The following ARHGAP42 variants were observed in gnomAD, a reference collection of about 807,000 sequenced individuals.
ARHGAP42 encodes Rho GTPase activating protein 42.
ARHGAP42 carries 63 observed loss-of-function variants against 125.0 expected under a neutral mutation model. The ratio of observed to expected loss-of-function variants is 0.50; its 90% confidence interval spans 0.41 to 0.62. The LOEUF is 0.62. Ranked by LOEUF, ARHGAP42 falls within the 20% of genes least tolerant of loss-of-function variation. The pLI, the probability that ARHGAP42 is intolerant of heterozygous loss-of-function variation, is 0.00. For synonymous variants in ARHGAP42, 339 were observed against 351.0 expected, an observed-to-expected ratio of 0.97 and a Z score of 0.38; for missense variants, 766 against 1,024.2, an observed-to-expected ratio of 0.75 and a Z score of 3.44.
At chr11:100,895,309 A>G (rs765133754) in intron 4 of ARHGAP42, among the ~76,000 whole-genome samples, 9 of 152,064 alleles carry the variant, frequency 5.9e-5, no homozygotes, top group South Asian at 2.1e-4. Context: ...AGATTTCCCA[A>G]CCTCAGCACT....
chr11:100,899,814 A>T (rs1290428133), intron 4 of ARHGAP42, among the ~76,000 whole-genome samples: 1 of 143,552 alleles, frequency 7.0e-6, no homozygotes, highest in Non-Finnish European at 1.5e-5. Context: ...TACATGTGGG[A>T]TGGGTCTCCT....
chr11:100,796,391 G>A (rs1432081377), intron 3 of ARHGAP42, among the ~76,000 whole-genome samples: 1 of 152,140 alleles, frequency 6.6e-6, no homozygotes, highest in Non-Finnish European at 1.5e-5. Context: ...CCTGAAACAT[G>A]AATATATTGA....
chr11:100,861,755 T>A (rs763691571), intron 4 of ARHGAP42, among the ~76,000 whole-genome samples: 2 of 152,180 alleles, frequency 1.3e-5, no homozygotes, highest in Non-Finnish European at 2.9e-5. Context: ...TTTTTAGTCA[T>A]GATGAGTGAA....
chr11:100,924,523 T>C (rs934644025), intron 6 of ARHGAP42, among the ~76,000 whole-genome samples: 5 of 151,738 alleles, frequency 3.3e-5, no homozygotes, highest in African/African-American at 1.2e-4. Context: ...AAAAATTAGC[T>C]GGGCATGGGG....
intron 16 of ARHGAP42, 122 bp downstream of exon 16, chr11:100,962,589 A>C (rs1393044516): frequency 2.2e-6 from 2 of 924,426 alleles, no homozygotes; most frequent in Non-Finnish European, 3.2e-6. Context: ...AAAAGTTGTT[A>C]ATCTGGGCCG....
chr11:100,936,365 A>G, intron 8 of ARHGAP42, 33 bp downstream of exon 8: 10 of 1,550,958 alleles, frequency 6.4e-6, no homozygotes, highest in Non-Finnish European at 7.9e-6. Flanking sequence ...CACGTCTCTT[A>G]TGACTTAGCC....
At chr11:100,900,341 T>G (rs1489074277) in intron 4 of ARHGAP42, among the ~76,000 whole-genome samples, 1 of 152,206 alleles carries the variant, frequency 6.6e-6, no homozygotes, top group Non-Finnish European at 1.5e-5. Context: ...TGCTTAACAT[T>G]TTTTCCTTCA....
chr11:100,992,722 C>T lies in ARHGAP42; in HGVS notation c.*3921C>T. On this transcript the variant is annotated 3_prime_UTR_variant, in exon 24 of 24. Transcript: ENST00000298815. ...GATGTGGACTTTTAGAGGATCAAAT[C>T]AATAAATTGGATTTTTTATTTTTTG... 6.5e-7 allele frequency: 1 copy of T among 1,534,688 alleles called. No individual in the cohort carries two copies. The highest frequency in any genetic ancestry group is 8.7e-7 in the Non-Finnish European group (1 of 1,144,820).
intron 1 of ARHGAP42, among the ~76,000 whole-genome samples, chr11:100,713,122 C>T (rs1316780066): frequency 6.6e-6 from 1 of 152,140 alleles, no homozygotes; most frequent in Admixed American, 6.5e-5. Context: ...AAGTGTTCTC[C>T]TGGAAAACAG....
At chr11:100,957,728 G>A (rs544664035) in intron 12 of ARHGAP42, among the ~76,000 whole-genome samples, 155 of 152,198 alleles carry the variant, frequency 1.0e-3, no homozygotes, top group African/African-American at 3.6e-3. Flanking sequence ...GGCAGCATCC[G>A]TAGAGTAACG....
chr11:100,864,472 G>T (rs368188045), intron 4 of ARHGAP42, among the ~76,000 whole-genome samples: 1 of 152,180 alleles, frequency 6.6e-6, no homozygotes, highest in East Asian at 1.9e-4. Flanking sequence ...GTGAGCCACC[G>T]CACCTGGCCT....
At chr11:100,878,777 A>C (rs1463030310) in intron 4 of ARHGAP42, among the ~76,000 whole-genome samples, 1 of 152,120 alleles carries the variant, frequency 6.6e-6, no homozygotes, top group Non-Finnish European at 1.5e-5. Flanking sequence ...GTTCTGCTTG[A>C]AATCCTATCT....
intron 4 of ARHGAP42, among the ~76,000 whole-genome samples, chr11:100,874,923 A>G (rs1865775202): frequency 6.6e-6 from 1 of 152,142 alleles, no homozygotes; most frequent in Admixed American, 6.5e-5. Context: ...CACGTATCTC[A>G]GGACTCAGAT....
chr11:100,693,774 C>T (rs949061649), intron 1 of ARHGAP42, among the ~76,000 whole-genome samples: 1 of 152,136 alleles, frequency 6.6e-6, no homozygotes, highest in Non-Finnish European at 1.5e-5. Context: ...ACACAGGTAA[C>T]CACTACACTT....
At chr11:100,716,324 T>A (rs1450701062) in intron 1 of ARHGAP42, among the ~76,000 whole-genome samples, 4 of 152,320 alleles carry the variant, frequency 2.6e-5, no homozygotes, top group African/African-American at 9.6e-5. Flanking sequence ...TGTGGTTCAC[T>A]GTGAAGGACG....
chr11:100,894,491 AG>A (rs1395453297), intron 4 of ARHGAP42, among the ~76,000 whole-genome samples: 1 of 152,220 alleles, frequency 6.6e-6, no homozygotes, highest in Non-Finnish European at 1.5e-5. Flanking sequence ...TGAAAAGAAA[AG>A]GTATATTTTT....
chr11:100,920,703 T>C (rs928063790), intron 5 of ARHGAP42, among the ~76,000 whole-genome samples: 1 of 152,142 alleles, frequency 6.6e-6, no homozygotes, highest in African/African-American at 2.4e-5. Context: ...TTAAATCACC[T>C]CAGTAATACT....
intron 1 of ARHGAP42, among the ~76,000 whole-genome samples, chr11:100,767,424 T>G (rs1862855881): frequency 6.6e-6 from 1 of 152,144 alleles, no homozygotes; most frequent in Non-Finnish European, 1.5e-5. Context: ...CAGAGTAGCT[T>G]ATAAGTGGGC....
intron 17 of ARHGAP42, among the ~76,000 whole-genome samples, chr11:100,971,111 C>G (rs1166963121): frequency 6.6e-6 from 1 of 152,228 alleles, no homozygotes; most frequent in East Asian, 1.9e-4. Context: ...AGTTGTACCT[C>G]AAAAGCCACA....
Sources: gnomAD v4.1 joint callset for allele counts (sites outside exome capture counted in the v4.1 genomes callset) on GRCh38, gnomAD v4.1.1 for gene constraint, MANE v1.5 for transcripts, NCBI Gene and HGNC (gene_info 2026-07-23, HGNC 2026-07-21) for gene names.